Variants in ZSWIM6 observed in about 807,000 individuals in gnomAD.
The protein encoded by ZSWIM6 is zinc finger SWIM-type containing 6, also known as zinc finger SWIM domain-containing protein 6.
A neutral mutation model predicts 113.2 loss-of-function variants in ZSWIM6; 9 were observed. The observed-to-expected ratio is 0.08, with a 90% CI of 0.05 to 0.14. ZSWIM6 has a LOEUF of 0.14. Among genes scored for constraint, ZSWIM6 ranks in the 10% least tolerant of loss-of-function variants. The pLI is 1.00. For synonymous variants in ZSWIM6, 611 were observed against 606.5 expected, an observed-to-expected ratio of 1.01 and a Z score of -0.11; for missense variants, 1,162 against 1,552.2, an observed-to-expected ratio of 0.75 and a Z score of 4.22.
rs1268108887 is a variant in ZSWIM6 at position 61,472,850 on chromosome 5, C to T, written c.846C>T (p.Arg282=). 3 of 1,551,734 alleles carry T rather than the reference C, an allele frequency of 1.9e-6. No individual in the cohort carries two copies. The highest frequency in any genetic ancestry group is 2.4e-5 in the South Asian group (2 of 84,060). The part of the protein sequence containing the change: ...CAHVVALSLY[R]IRKPDQVKLH... ...ATGTTGTGGCACTGTCTTTATACCG[C>T]ATCCGCAAGCCAGATCAGGTCAAAC... The change falls in exon 2 of 14, where the codon CGC becomes CGT. Residue 282 remains arginine, a synonymous_variant. Transcript: ENST00000252744. This position sits in a 1 kb window ranked among gnomAD's most constrained non-coding sequence, Gnocchi z 4.1.
At chr5:61,387,238 TATAA>T (rs1204292937) in intron 1 of ZSWIM6, among the ~76,000 whole-genome samples, 1 of 152,252 alleles carries the variant, frequency 6.6e-6, no homozygotes, top group African/African-American at 2.4e-5. Flanking sequence ...AGCATATTTA[TATAA>T]GTTGCCTGAA....
chr5:61,502,195 A>G (rs1748486486), intron 4 of ZSWIM6, among the ~76,000 whole-genome samples: 1 of 152,180 alleles, frequency 6.6e-6, no homozygotes, highest in African/African-American at 2.4e-5. Context: ...TTCACAGAGA[A>G]TCAGGGATGC....
At chr5:61,343,017 C>G (rs944568625) in intron 1 of ZSWIM6, among the ~76,000 whole-genome samples, 1 of 152,146 alleles carries the variant, frequency 6.6e-6, no homozygotes, top group Non-Finnish European at 1.5e-5. Context: ...CAGGTTAGAT[C>G]TAATCGTATA....
At chr5:61,479,591 A>G (rs1747801939) in intron 2 of ZSWIM6, among the ~76,000 whole-genome samples, 1 of 152,012 alleles carries the variant, frequency 6.6e-6, no homozygotes, top group African/African-American at 2.4e-5. Flanking sequence ...TATTATTCCC[A>G]TCTCCCCCAC....
intron 1 of ZSWIM6, among the ~76,000 whole-genome samples, chr5:61,381,751 T>C (rs1027500951): frequency 1.3e-5 from 2 of 152,210 alleles, no homozygotes; most frequent in Non-Finnish European, 1.5e-5. Flanking sequence ...AAGGGCTCTT[T>C]TTCCCTTTAG....
intron 1 of ZSWIM6, among the ~76,000 whole-genome samples, chr5:61,364,168 C>G (rs1159619981): frequency 6.6e-6 from 1 of 152,204 alleles, no homozygotes; most frequent in East Asian, 1.9e-4. Context: ...CCTCCGCCTC[C>G]TGAGTAGCTG....
At chr5:61,416,443 G>A (rs1166885041) in intron 1 of ZSWIM6, among the ~76,000 whole-genome samples, 1 of 152,168 alleles carries the variant, frequency 6.6e-6, no homozygotes, top group Non-Finnish European at 1.5e-5. Flanking sequence ...CTTCCTCCTA[G>A]CTGATTATAT....
At chr5:61,402,378 A>G (rs985939670) in intron 1 of ZSWIM6, among the ~76,000 whole-genome samples, 8 of 152,208 alleles carry the variant, frequency 5.3e-5, no homozygotes, top group African/African-American at 1.9e-4. Flanking sequence ...TTAAAACTAC[A>G]ATGGAATTTT....
At chr5:61,393,143 G>A (rs541935488) in intron 1 of ZSWIM6, among the ~76,000 whole-genome samples, 2 of 151,930 alleles carry the variant, frequency 1.3e-5, no homozygotes, top group African/African-American at 2.4e-5. Flanking sequence ...AGGTTGAAGC[G>A]ATTCTCCTGC....
chr5:61,503,271 A>G (rs1748521576), intron 4 of ZSWIM6, among the ~76,000 whole-genome samples: 1 of 152,208 alleles, frequency 6.6e-6, no homozygotes, highest in Non-Finnish European at 1.5e-5. Flanking sequence ...TCTGGTTGAC[A>G]GAATACCCAG....
chr5:61,501,430 A>G (rs1407195748), intron 4 of ZSWIM6, among the ~76,000 whole-genome samples: 1 of 152,180 alleles, frequency 6.6e-6, no homozygotes, highest in Non-Finnish European at 1.5e-5. Context: ...CTGTATAGGG[A>G]AGAGTGGAAA....
chr5:61,356,156 A>G (rs768441433), intron 1 of ZSWIM6, among the ~76,000 whole-genome samples: 81 of 152,214 alleles, frequency 5.3e-4, no homozygotes, highest in Non-Finnish European at 1.1e-3. Context: ...GCTGGAGTGC[A>G]GTGTCAGAAT....
rs114140003 is a variant in ZSWIM6, at chr5:61,417,512, A to G, written c.677-55169A>G. ...AGAGGACACAGTTTCAGAACTGTAG[A>G]ACACAGTAATTAGAAAGGCTGCCTA... On this transcript the variant is annotated intron_variant, in intron 1 of 13. Coordinates refer to ENST00000252744, the MANE Select transcript of ZSWIM6 (RefSeq NM_020928.2). 4.2e-3 allele frequency among the ~76,000 whole-genome samples: 634 copies of G among 152,308 alleles called. 2 individuals are homozygous for G. The highest frequency in any genetic ancestry group is 7.3e-3 in the Non-Finnish European group (497 of 68,018).
chr5:61,516,535 TTA>T (rs70977852), intron 4 of ZSWIM6, among the ~76,000 whole-genome samples: 3,782 of 145,142 alleles, frequency 0.026, 155 homozygotes, highest in South Asian at 0.18. Context: ...TATATATATC[TTA>T]TATATATATA....
At chr5:61,529,579 G>A (rs190949874) in intron 7 of ZSWIM6, among the ~76,000 whole-genome samples, 56 of 152,300 alleles carry the variant, frequency 3.7e-4, no homozygotes, top group Non-Finnish European at 1.5e-5. Context: ...AGTTAACACT[G>A]ATTTAGAGAG....
chr5:61,421,017 T>G (rs1371712057), intron 1 of ZSWIM6, among the ~76,000 whole-genome samples: 1 of 151,952 alleles, frequency 6.6e-6, no homozygotes, highest in Non-Finnish European at 1.5e-5. Context: ...CCTCCCAGGT[T>G]CAAGCAGTGC....
chr5:61,420,916 A>T (rs1419309752), intron 1 of ZSWIM6, among the ~76,000 whole-genome samples: 7 of 146,016 alleles, frequency 4.8e-5, no homozygotes, highest in East Asian at 2.0e-4. Flanking sequence ...TATTCGTTCT[A>T]TTTTTTTTTT....
At chr5:61,491,216 A>T (rs1748166897) in intron 3 of ZSWIM6, among the ~76,000 whole-genome samples, 1 of 151,950 alleles carries the variant, frequency 6.6e-6, no homozygotes, top group South Asian at 2.1e-4. Flanking sequence ...AAAATAATTA[A>T]CAGTGTTATT....
intron 1 of ZSWIM6, among the ~76,000 whole-genome samples, chr5:61,361,225 G>A (rs1745027285): frequency 6.6e-6 from 1 of 152,086 alleles, no homozygotes; most frequent in South Asian, 2.1e-4. Flanking sequence ...TATCCTGTGT[G>A]AGATTGGTAG....
Sources: allele counts gnomAD v4.1 joint callset (sites outside exome capture counted in the v4.1 genomes callset), GRCh38; gene constraint gnomAD v4.1.1; non-coding constraint Gnocchi (gnomAD v3.1); transcripts MANE v1.5; gene names NCBI Gene and HGNC (gene_info 2026-07-23, HGNC 2026-07-21).